Variants in KCNH7 observed in about 807,000 individuals in gnomAD.
KCNH7 encodes the protein voltage-gated inwardly rectifying potassium channel KCNH7.
Under a neutral mutation model 120.8 loss-of-function variants are expected in KCNH7, and 49 were observed. The observed-to-expected ratio is 0.41, with a 90% CI of 0.32 to 0.51. The LOEUF is 0.51. KCNH7 is among the 20% of genes least tolerant of loss of function. The pLI is 0.38. For missense variants in KCNH7, 1,097 were observed against 1,446.6 expected (o/e 0.76, Z 3.92); for synonymous variants, 547 against 516.1 (o/e 1.06, Z -0.81).
At chr2:162,663,040 A>T (rs1685019570) in intron 2 of KCNH7, among the ~76,000 whole-genome samples, 2 of 152,184 alleles carry the variant, frequency 1.3e-5, no homozygotes, top group Non-Finnish European at 2.9e-5. Context: ...CTTCTCTTAC[A>T]TGGTGGTTAT....
At chr2:162,432,632 G>A (rs6751772) in intron 8 of KCNH7, among the ~76,000 whole-genome samples, 115 of 151,746 alleles carry the variant, frequency 7.6e-4, no homozygotes, top group Admixed American at 1.6e-3. Context: ...GATTAAAAAC[G>A]CTCAACAAAC....
chr2:162,672,734 T>C (rs909822723), intron 2 of KCNH7, among the ~76,000 whole-genome samples: 1 of 151,958 alleles, frequency 6.6e-6, no homozygotes, highest in Non-Finnish European at 1.5e-5. Context: ...ACCAGGCATA[T>C]GATGAATTAC....
chr2:162,542,898 C>A (rs1228544396), intron 2 of KCNH7, among the ~76,000 whole-genome samples: 1 of 152,092 alleles, frequency 6.6e-6, no homozygotes, highest in African/African-American at 2.4e-5. Context: ...TTCTCCACAT[C>A]CTCTCCAGCA....
rs1688541211 is a variant in KCNH7 at position 162,751,332 on chromosome 2, T to C, written c.307+85205A>G. Reference sequence around the variant, plus strand: ...TGTTGTATAAAAAGGGTAAATACAATAAATTAGAGAAGTAATTTACTAATT... The same window carrying C: ...TGTTGTATAAAAAGGGTAAATACAACAAATTAGAGAAGTAATTTACTAATT... On this transcript the variant is annotated intron_variant, in intron 2 of 15. Transcript: ENST00000332142. 1.3e-5 allele frequency among the ~76,000 whole-genome samples: 2 copies of C among 152,198 alleles called. 1 individual carries two copies. The highest frequency in any genetic ancestry group is 4.1e-4 in the South Asian group (2 of 4,832).
At position 162,838,574 on chromosome 2, in the gene KCNH7, T is replaced by C; in HGVS notation, c.-56A>G. On this transcript the variant is annotated 5_prime_UTR_variant, in exon 1 of 16. Transcript: ENST00000332142. ...CCGGAGCTCTGGAGTTCTCCCGGGATCTCTCCTCGGCTAGAGCCCAGGCCA... is the reference window on the plus strand; with the variant it reads ...CCGGAGCTCTGGAGTTCTCCCGGGACCTCTCCTCGGCTAGAGCCCAGGCCA... 2 of 1,447,774 alleles carry C rather than the reference T, an allele frequency of 1.4e-6. No homozygotes were observed. The highest frequency in any genetic ancestry group is 1.9e-6 in the Non-Finnish European group (2 of 1,041,266). The allele number at this position is 1,447,774 out of a possible 1,614,324, so 89.7% of individuals were successfully genotyped here.
intron 2 of KCNH7, among the ~76,000 whole-genome samples, chr2:162,669,002 T>C (rs1685245211): frequency 1.3e-5 from 2 of 152,100 alleles, no homozygotes; most frequent in African/African-American, 4.8e-5. Context: ...AGGGTAGATA[T>C]AAGAAATGTA....
chr2:162,686,348 T>C lies in KCNH7; in HGVS notation c.308-149268A>G, dbSNP rs180741543. On this transcript the variant is annotated intron_variant, in intron 2 of 15. Transcript: ENST00000332142. ...TCTCGGCCAAGCAGAGAAGTGAATG[T>C]ACCAATTCGTTTCCAATCCTGAGTT... Among the ~76,000 whole-genome samples the C allele has an allele frequency of 6.3e-4, 96 of 152,238 alleles. No individual in the cohort carries two copies. In the East Asian group the frequency reaches 0.01, roughly 16 times the overall value.
intron 2 of KCNH7, among the ~76,000 whole-genome samples, chr2:162,629,630 G>C (rs976888685): frequency 1.3e-5 from 2 of 152,052 alleles, no homozygotes; most frequent in African/African-American, 4.8e-5. Context: ...GATGGTGCTG[G>C]AGTCACCTTT....
intron 2 of KCNH7, among the ~76,000 whole-genome samples, chr2:162,820,001 GTGTT>G (rs1326365675): frequency 7.2e-6 from 1 of 138,910 alleles, no homozygotes; most frequent in Admixed American, 7.1e-5. Context: ...ATTCTACAGT[GTGTT>G]TGTTCGGGTA....
At chr2:162,413,329 G>A (rs1215035975) in intron 9 of KCNH7, among the ~76,000 whole-genome samples, 3 of 151,982 alleles carry the variant, frequency 2.0e-5, no homozygotes, top group Non-Finnish European at 4.4e-5. Context: ...GTTTCACCAC[G>A]TTGGCCAGGC....
chr2:162,787,601 C>A (rs927568215), intron 2 of KCNH7, among the ~76,000 whole-genome samples: 1 of 152,234 alleles, frequency 6.6e-6, no homozygotes, highest in Non-Finnish European at 1.5e-5. Flanking sequence ...CAGTAGACTG[C>A]AGTGCCTGGC....
intron 14 of KCNH7, among the ~76,000 whole-genome samples, chr2:162,375,311 G>A (rs1686123695): frequency 1.3e-5 from 2 of 152,178 alleles, no homozygotes; most frequent in Admixed American, 1.3e-4. Flanking sequence ...CCAAAAATGA[G>A]TCAAAAATTA....
chr2:162,824,082 C>G (rs566091949), intron 2 of KCNH7, among the ~76,000 whole-genome samples: 1 of 152,012 alleles, frequency 6.6e-6, no homozygotes, highest in African/African-American at 2.4e-5. Context: ...AGGCTGTAAT[C>G]GGCATTCTTG....
intron 2 of KCNH7, among the ~76,000 whole-genome samples, chr2:162,539,831 T>C (rs1692241679): frequency 6.6e-6 from 1 of 152,188 alleles, no homozygotes; most frequent in African/African-American, 2.4e-5. Flanking sequence ...CAATCTTGCA[T>C]AGCCTCCCGG....
chr2:162,581,245 T>G (rs1693856049), intron 2 of KCNH7, among the ~76,000 whole-genome samples: 1 of 152,084 alleles, frequency 6.6e-6, no homozygotes, highest in Admixed American at 6.6e-5. Context: ...AATAGGCAGA[T>G]AGACCCAAAT....
At chr2:162,394,618 G>A in intron 11 of KCNH7, 133 bp from the exon 12 acceptor site, 2 of 601,966 alleles carry the variant, frequency 3.3e-6, no homozygotes, top group Non-Finnish European at 2.9e-6. Context: ...CAGGCAAACA[G>A]CTAAAATACC....
chr2:162,779,188 G>GT (rs535167575), intron 2 of KCNH7, among the ~76,000 whole-genome samples: 21 of 147,304 alleles, frequency 1.4e-4, no homozygotes, highest in South Asian at 4.2e-4. Flanking sequence ...AATTTTTTTT[G>GT]TTTTTTTTGT....
chr2:162,470,639 G>C (rs1228889962), intron 6 of KCNH7, among the ~76,000 whole-genome samples: 1 of 148,430 alleles, frequency 6.7e-6, no homozygotes, highest in Admixed American at 6.7e-5. Context: ...TCAGCCCCCC[G>C]CCCGGCCAGC....
At chr2:162,678,151 T>C (rs1685589572) in intron 2 of KCNH7, among the ~76,000 whole-genome samples, 1 of 151,406 alleles carries the variant, frequency 6.6e-6, no homozygotes, top group Non-Finnish European at 1.5e-5. Context: ...GTATGAAATA[T>C]TGACAGATGC....
Sources: gnomAD v4.1 joint callset for allele counts (sites outside exome capture counted in the v4.1 genomes callset) on GRCh38, gnomAD v4.1.1 for gene constraint, MANE v1.5 for transcripts, NCBI Gene and HGNC (gene_info 2026-07-23, HGNC 2026-07-21) for gene names.